ETV6: variants seen among roughly 807,000 people sequenced by gnomAD.
The protein encoded by ETV6 is transcription factor ETV6.
In ETV6, 16 loss-of-function variants were observed where a neutral mutation model predicts 51.1. The observed-to-expected ratio is 0.31, with a 90% confidence interval of 0.21 to 0.48. ETV6 has a LOEUF of 0.48. Among genes scored for constraint, ETV6 ranks in the 20% least tolerant of loss-of-function variants. The pLI, the probability that ETV6 is intolerant of heterozygous loss-of-function variation, is 0.99. For synonymous variants in ETV6, 240 were observed against 224.1 expected (o/e 1.07, Z -0.64); for missense variants, 458 against 594.8 (o/e 0.77, Z 2.39).
chr12:11,853,440 T>C lies in ETV6; in HGVS notation c.342T>C (p.Tyr114=). The C allele has an allele frequency of 1.2e-6, 2 of 1,614,242 alleles. No individual in the cohort carries two copies. Among genetic ancestry groups the C allele is most frequent in the Middle Eastern group, 1.6e-4 (1 of 6,062 alleles). ...TTTTCTTTCCAGGTGATGTGCTCTA[T>C]GAACTCCTTCAGCATATTCTGAAGC... ...YRSPHSGDVL[Y]ELLQHILKQR... is the part of the protein sequence containing the mutation. Residue 114 remains tyrosine (Y), a synonymous_variant, in exon 4 of 8, where the codon TAT becomes TAC. Transcript: ENST00000396373.
intron 2 of ETV6, among the ~76,000 whole-genome samples, chr12:11,813,204 T>C (rs927685736): frequency 3.3e-5 from 5 of 152,228 alleles, no homozygotes; most frequent in African/African-American, 1.2e-4. Context: ...ATGGAGAGAC[T>C]TGGATTGGAC....
intron 7 of ETV6, among the ~76,000 whole-genome samples, chr12:11,889,032 C>T (rs1339551503): frequency 6.6e-6 from 1 of 151,340 alleles, no homozygotes; most frequent in African/African-American, 2.4e-5. Flanking sequence ...TATATTAAAC[C>T]TTTCAGTTAA....
chr12:11,813,892 G>A (rs905021030), intron 2 of ETV6, among the ~76,000 whole-genome samples: 2 of 152,212 alleles, frequency 1.3e-5, no homozygotes, highest in Non-Finnish European at 2.9e-5. Flanking sequence ...CATGCAAAAT[G>A]AAAACTTAAT....
intron 1 of ETV6, among the ~76,000 whole-genome samples, chr12:11,723,063 G>C (rs1382318813): frequency 6.6e-6 from 1 of 152,192 alleles, no homozygotes; most frequent in African/African-American, 2.4e-5. Flanking sequence ...TTGAATCTCA[G>C]ATCTCTCACT....
At chr12:11,809,974 A>G (rs7311918) in intron 2 of ETV6, among the ~76,000 whole-genome samples, 26,006 of 151,460 alleles carry the variant, frequency 0.17, 2,343 homozygotes, top group East Asian at 0.26. Flanking sequence ...CACGCACCAC[A>G]ACGCCCAGCT....
chr12:11,725,846 G>T (rs1234566678), intron 1 of ETV6, among the ~76,000 whole-genome samples: 1 of 152,078 alleles, frequency 6.6e-6, no homozygotes, highest in Non-Finnish European at 1.5e-5. Flanking sequence ...CTCACTTTCC[G>T]CCACGAGTGG....
At chr12:11,752,607 G>C in intron 2 of ETV6, 28 bp downstream of exon 2, 3 of 1,597,486 alleles carry the variant, frequency 1.9e-6, no homozygotes, top group Non-Finnish European at 2.6e-6. Flanking sequence ...GAGAGGGACA[G>C]AGGATTGATG....
chr12:11,845,828 C>G (rs1194105024), intron 3 of ETV6, among the ~76,000 whole-genome samples: 1 of 151,642 alleles, frequency 6.6e-6, no homozygotes, highest in Non-Finnish European at 1.5e-5. Flanking sequence ...TCATCTCTAC[C>G]AAAAATGCAA....
chr12:11,738,244 C>T (rs1347806499), intron 1 of ETV6, among the ~76,000 whole-genome samples: 3 of 149,784 alleles, frequency 2.0e-5, no homozygotes, highest in African/African-American at 7.4e-5. Context: ...CTCCTTCCCT[C>T]CTTCCCTCCT....
At chr12:11,884,061 C>CT (rs1203310887) in intron 5 of ETV6, among the ~76,000 whole-genome samples, 1 of 152,208 alleles carries the variant, frequency 6.6e-6, no homozygotes, top group African/African-American at 2.4e-5. Context: ...TCTTTCCACC[C>CT]TTTTTTCCTT....
intron 1 of ETV6, among the ~76,000 whole-genome samples, chr12:11,744,104 C>T (rs1016651782): frequency 6.6e-6 from 1 of 152,076 alleles, no homozygotes; most frequent in Admixed American, 6.5e-5. Context: ...TGTGAGGGAA[C>T]GTACAAGAAC....
At chr12:11,654,489 T>G (rs1048449749) in intron 1 of ETV6, among the ~76,000 whole-genome samples, 4 of 152,108 alleles carry the variant, frequency 2.6e-5, no homozygotes, top group African/African-American at 9.7e-5. Flanking sequence ...CCAAGGAAAC[T>G]CGATATAATA....
intron 1 of ETV6, among the ~76,000 whole-genome samples, chr12:11,692,262 T>TA (rs1224352284): frequency 6.6e-6 from 1 of 152,160 alleles, no homozygotes; most frequent in African/African-American, 2.4e-5. Flanking sequence ...TACCTTGTGT[T>TA]ACCCTGCACT....
chr12:11,650,504 A>AAAAAC lies in ETV6; in HGVS notation c.33+348_33+349insCAAAA, dbSNP rs1565472739. ...CTTAAAAAAAAAAAAAACAAAAAAC[A>AAAAAC]AAAAAAAAAAACCTGCTCCCTATTC... On this transcript the variant is annotated intron_variant, in intron 1 of 7. Transcript: ENST00000396373. Among the ~76,000 whole-genome samples the AAAAAC allele has an allele frequency of 3.6e-4, 34 of 94,224 alleles. 3 individuals are homozygous for AAAAAC. Among genetic ancestry groups the AAAAAC allele is most frequent in the Admixed American group, 9.6e-4 (7 of 7,296 alleles). The allele number at this position is 94,224 out of a possible 152,430, so 61.8% of individuals were successfully genotyped here. A position where few individuals can be genotyped will look rare whatever the true frequency, so the allele number is the denominator to read the frequency against.
intron 2 of ETV6, among the ~76,000 whole-genome samples, chr12:11,783,848 TTTTGTTTG>T (rs368507223): frequency 6.6e-6 from 1 of 152,072 alleles, no homozygotes; most frequent in Non-Finnish European, 1.5e-5. Context: ...TTGGTTGTTT[TTTTGTTTG>T]TTTGTTTGTT....
chr12:11,681,490 C>CA (rs10676577), intron 1 of ETV6, among the ~76,000 whole-genome samples: 1 of 151,654 alleles, frequency 6.6e-6, no homozygotes, highest in Non-Finnish European at 1.5e-5. Context: ...TCATTTTCAC[C>CA]GTTTAAGGTC....
At chr12:11,786,108 T>G (rs1945479630) in intron 2 of ETV6, among the ~76,000 whole-genome samples, 1 of 151,996 alleles carries the variant, frequency 6.6e-6, no homozygotes, top group African/African-American at 2.4e-5. Context: ...ACGGTTCTTG[T>G]TTTTTTTAAA....
intron 2 of ETV6, among the ~76,000 whole-genome samples, chr12:11,813,877 G>A (rs146994089): frequency 6.6e-6 from 1 of 152,334 alleles, no homozygotes; most frequent in East Asian, 1.9e-4. Flanking sequence ...ATACAATGAA[G>A]TACACATGCA....
intron 2 of ETV6, among the ~76,000 whole-genome samples, chr12:11,771,899 C>T (rs1945246400): frequency 1.3e-5 from 2 of 152,132 alleles, no homozygotes; most frequent in East Asian, 1.9e-4. Context: ...GCCTCCAGAC[C>T]CAGCTCTGAC....
Sources: allele counts gnomAD v4.1 joint callset (sites outside exome capture counted in the v4.1 genomes callset), GRCh38; gene constraint gnomAD v4.1.1; transcripts MANE v1.5; gene names NCBI Gene and HGNC (gene_info 2026-07-23, HGNC 2026-07-21).